The following ANO3 variants were observed in gnomAD, a reference collection of about 807,000 sequenced individuals.
The protein encoded by ANO3 is anoctamin 3, also known as anoctamin-3.
In ANO3, 99 loss-of-function variants were observed where a neutral mutation model predicts 144.8. The ratio of observed to expected loss-of-function variants is 0.68; its 90% CI spans 0.58 to 0.81. ANO3 has a LOEUF of 0.81. Ranked by LOEUF, ANO3 falls within the 30% of genes least tolerant of loss-of-function variation. The pLI, the probability that ANO3 is intolerant of heterozygous loss-of-function variation, is 0.00. For synonymous variants in ANO3, 414 were observed against 392.6 expected (o/e 1.05, Z -0.64); for missense variants, 905 against 1,202.2 (o/e 0.75, Z 3.66).
chr11:26,480,511 A>G (rs540967093), intron 4 of ANO3, among the ~76,000 whole-genome samples: 4 of 152,270 alleles, frequency 2.6e-5, no homozygotes, highest in African/African-American at 9.6e-5. Flanking sequence ...AATATAAAGG[A>G]ATTCCAAAAT....
chr11:26,212,921 AG>A (rs535092794), intron 1 of ANO3, among the ~76,000 whole-genome samples: 2 of 152,218 alleles, frequency 1.3e-5, no homozygotes, highest in South Asian at 4.1e-4. Flanking sequence ...CACATCAAAA[AG>A]CTCATCCACC....
At chr11:26,485,037 G>A (rs1860388741) in intron 4 of ANO3, among the ~76,000 whole-genome samples, 1 of 152,084 alleles carries the variant, frequency 6.6e-6, no homozygotes, top group African/African-American at 2.4e-5. Flanking sequence ...GGCTTGTTTT[G>A]ATTTTACAGG....
intron 17 of ANO3, among the ~76,000 whole-genome samples, chr11:26,606,597 C>CTTTT (rs34594509): frequency 6.8e-6 from 1 of 147,816 alleles, no homozygotes; most frequent in Admixed American, 6.8e-5. Flanking sequence ...GCAATCCCTG[C>CTTTT]TTTTTTTTTT....
intron 1 of ANO3, among the ~76,000 whole-genome samples, chr11:26,372,992 A>T (rs1162407098): frequency 6.6e-6 from 1 of 152,184 alleles, no homozygotes; most frequent in Non-Finnish European, 1.5e-5. Context: ...TAATAAACTA[A>T]TTTTTACTAC....
intron 3 of ANO3, among the ~76,000 whole-genome samples, chr11:26,460,570 GA>G (rs1158886037): frequency 1.3e-4 from 19 of 151,902 alleles, no homozygotes; most frequent in Admixed American, 4.6e-4. Flanking sequence ...TAGGGTAGGG[GA>G]AAAAAAGATC....
intron 1 of ANO3, among the ~76,000 whole-genome samples, chr11:26,418,172 G>A (rs995784610): frequency 6.6e-6 from 1 of 152,090 alleles, no homozygotes; most frequent in Non-Finnish European, 1.5e-5. Context: ...GAAGTGGGAA[G>A]TTCTATGGTT....
chr11:26,655,582 T>C (rs775357509), intron 24 of ANO3, among the ~76,000 whole-genome samples: 46 of 152,144 alleles, frequency 3.0e-4, no homozygotes, highest in Non-Finnish European at 4.3e-4. Flanking sequence ...TTAATTATGT[T>C]TATTGTGTGC....
intron 1 of ANO3, among the ~76,000 whole-genome samples, chr11:26,207,161 A>G (rs541509165): frequency 3.7e-4 from 56 of 152,314 alleles, no homozygotes; most frequent in Non-Finnish European, 7.2e-4. Context: ...ACTATATTGC[A>G]TACGTAAAAA....
At chr11:26,249,578 A>C (rs1590215640) in intron 1 of ANO3, among the ~76,000 whole-genome samples, 1 of 152,104 alleles carries the variant, frequency 6.6e-6, no homozygotes, top group East Asian at 1.9e-4. Context: ...TTTTAAAAAA[A>C]AGGAATAAAT....
intron 4 of ANO3, among the ~76,000 whole-genome samples, chr11:26,485,708 G>C (rs1294628681): frequency 3.9e-5 from 6 of 151,988 alleles, no homozygotes; most frequent in African/African-American, 1.2e-4. Flanking sequence ...ATCAACTCAA[G>C]ATGGATCCAA....
intron 17 of ANO3, among the ~76,000 whole-genome samples, chr11:26,613,721 T>G (rs997213522): frequency 1.3e-5 from 2 of 152,214 alleles, no homozygotes; most frequent in Admixed American, 1.3e-4. Flanking sequence ...GTGATCTTCA[T>G]GGTGTTTCTT....
At chr11:26,387,722 A>C (rs1295638663) in intron 1 of ANO3, among the ~76,000 whole-genome samples, 2 of 152,006 alleles carry the variant, frequency 1.3e-5, no homozygotes, top group African/African-American at 4.8e-5. Context: ...TTTTATGCAC[A>C]TGTATTTTGG....
chr11:26,463,015 C>T lies in ANO3; in HGVS notation c.314-15C>T. On this transcript the variant is annotated splice_polypyrimidine_tract_variant and intron_variant, in intron 3 of 26. Coordinates refer to ENST00000256737, the MANE Select transcript of ANO3 (RefSeq NM_031418.4). ...ACTATAGAAATGGATATAACTTTCTCTTTCTCTTTTATAGCCCTAGGAAAA... is the reference window on the plus strand; with the variant it reads ...ACTATAGAAATGGATATAACTTTCTTTTTCTCTTTTATAGCCCTAGGAAAA... 7.4e-7 allele frequency: 1 copy of T among 1,348,966 alleles called. No homozygotes were observed. Among genetic ancestry groups the T allele is most frequent in the Non-Finnish European group, 1.0e-6 (1 of 985,518 alleles). 83.6% of individuals were successfully genotyped at this position (1,348,966 alleles called of 1,614,324 possible).
intron 7 of ANO3, among the ~76,000 whole-genome samples, chr11:26,528,501 A>G (rs1454652152): frequency 1.3e-5 from 2 of 152,148 alleles, no homozygotes; most frequent in African/African-American, 4.8e-5. Context: ...TAAAATTCAC[A>G]TTTATACTTT....
chr11:26,370,199 C>T (rs902631919), intron 1 of ANO3, among the ~76,000 whole-genome samples: 1 of 152,026 alleles, frequency 6.6e-6, no homozygotes, highest in Non-Finnish European at 1.5e-5. Flanking sequence ...TGTGGTTTTC[C>T]CCATGCTATT....
chr11:26,226,571 A>G (rs1456971063), intron 1 of ANO3, among the ~76,000 whole-genome samples: 1 of 152,038 alleles, frequency 6.6e-6, no homozygotes, highest in African/African-American at 2.4e-5. Context: ...GTATATGACA[A>G]TTTTATCTTC....
rs76998363 is a variant in ANO3, at chr11:26,228,647, G to A, written c.154+39317G>A. Among the ~76,000 whole-genome samples the A allele has an allele frequency of 2.6e-5, 4 of 152,208 alleles. No individual in the cohort carries two copies. The East Asian group carries it at 7.7e-4, about 29-fold the overall frequency. ...GGCCCCAAAGTTAGCACCACAGAAA[G>A]TTCTGAAACATAATGGTCTGTCACT... On this transcript the variant is annotated intron_variant, in intron 1 of 27. Transcript: ENST00000672621.
chr11:26,303,143 G>A (rs928900506), intron 1 of ANO3, among the ~76,000 whole-genome samples: 6 of 152,100 alleles, frequency 3.9e-5, no homozygotes, highest in South Asian at 2.1e-4. Flanking sequence ...GAGATTTCTC[G>A]AAGAACTGAA....
chr11:26,496,995 T>TATATATATATAC (rs1206312744), intron 4 of ANO3, among the ~76,000 whole-genome samples: 85 of 126,628 alleles, frequency 6.7e-4, no homozygotes, highest in African/African-American at 2.2e-3. Context: ...TATATATATA[T>TATATATATATAC]ACACACACAG....
Sources: gnomAD v4.1 joint callset for allele counts (sites outside exome capture counted in the v4.1 genomes callset) on GRCh38, gnomAD v4.1.1 for gene constraint, MANE v1.5 for transcripts, NCBI Gene and HGNC (gene_info 2026-07-23, HGNC 2026-07-21) for gene names.